The following RAB3C variants were observed in gnomAD, a reference collection of about 807,000 sequenced individuals.
RAB3C encodes the protein ras-related protein Rab-3C.
In RAB3C, 17 loss-of-function variants were observed where a neutral mutation model predicts 26.4. The ratio of observed to expected loss-of-function variants is 0.64; its 90% CI spans 0.44 to 0.97. RAB3C has a LOEUF of 0.97. Among genes scored for constraint, RAB3C ranks in the 50% least tolerant of loss-of-function variants. The pLI is 0.00. For synonymous variants in RAB3C, 91 were observed against 95.9 expected (o/e 0.95, Z 0.30); for missense variants, 242 against 281.9 (o/e 0.86, Z 1.01).
intron 4 of RAB3C, among the ~76,000 whole-genome samples, chr5:58,844,433 T>A (rs1042190446): frequency 1.3e-5 from 2 of 152,224 alleles, no homozygotes; most frequent in Admixed American, 1.3e-4. Context: ...TGGTCTGCAA[T>A]TTTGGCCCTT....
At chr5:58,702,040 G>A (rs1429358208) in intron 2 of RAB3C, among the ~76,000 whole-genome samples, 5 of 152,108 alleles carry the variant, frequency 3.3e-5, no homozygotes, top group African/African-American at 1.2e-4. Flanking sequence ...CCATTTTCCT[G>A]CATGGAGCAC....
chr5:58,748,463 A>C (rs1483614454), intron 3 of RAB3C, among the ~76,000 whole-genome samples: 2 of 152,156 alleles, frequency 1.3e-5, no homozygotes, highest in African/African-American at 4.8e-5. Flanking sequence ...TCTGAGAACC[A>C]TTGCTGTAAA....
chr5:58,749,546 C>A (rs568184886), intron 3 of RAB3C, among the ~76,000 whole-genome samples: 1 of 152,164 alleles, frequency 6.6e-6, no homozygotes, highest in South Asian at 2.1e-4. Flanking sequence ...GAAGATAAAG[C>A]CTTCACAGGG....
At chr5:58,615,127 T>G (rs1746797181) in intron 1 of RAB3C, among the ~76,000 whole-genome samples, 1 of 152,072 alleles carries the variant, frequency 6.6e-6, no homozygotes, top group Non-Finnish European at 1.5e-5. Context: ...GAAACCAACT[T>G]AATTTTGGAA....
intron 3 of RAB3C, among the ~76,000 whole-genome samples, chr5:58,746,184 A>G (rs10061204): frequency 0.031 from 4,797 of 152,302 alleles, 283 homozygotes; most frequent in African/African-American, 0.11. Context: ...ATGAATATAA[A>G]CAGAAGGGTC....
At chr5:58,659,533 G>A (rs158955) in intron 2 of RAB3C, among the ~76,000 whole-genome samples, 108,391 of 152,028 alleles carry the variant, frequency 0.71, 38,989 homozygotes, top group Middle Eastern at 0.79. Context: ...GCTTTTCTAA[G>A]TAGCAGATAC....
intron 4 of RAB3C, among the ~76,000 whole-genome samples, chr5:58,828,943 AC>A (rs1228980304): frequency 7.6e-6 from 1 of 131,286 alleles, no homozygotes; most frequent in Non-Finnish European, 1.5e-5. Flanking sequence ...TCGTTCTGTC[AC>A]CCAGGCTGGA....
chr5:58,730,727 A>C (rs1372491177), intron 3 of RAB3C, among the ~76,000 whole-genome samples: 1 of 152,164 alleles, frequency 6.6e-6, no homozygotes, highest in Non-Finnish European at 1.5e-5. Flanking sequence ...TATAGGAAGA[A>C]TTAAAGTTCC....
intron 4 of RAB3C, 21 bp from the exon 5 acceptor site, chr5:58,851,143 G>A: frequency 8.9e-6 from 14 of 1,577,904 alleles, no homozygotes; most frequent in Non-Finnish European, 1.2e-5. Context: ...ACCAAGATGT[G>A]TTTCTGTGTG....
chr5:58,713,881 C>T (rs1749115393), intron 2 of RAB3C, among the ~76,000 whole-genome samples: 1 of 152,144 alleles, frequency 6.6e-6, no homozygotes, highest in African/African-American at 2.4e-5. Flanking sequence ...CTAAAATAAA[C>T]ACATTTTTAA....
At chr5:58,825,725 G>A (rs1310676077) in intron 4 of RAB3C, among the ~76,000 whole-genome samples, 1 of 152,114 alleles carries the variant, frequency 6.6e-6, no homozygotes, top group Non-Finnish European at 1.5e-5. Flanking sequence ...TAATAGATAT[G>A]AGAAAGTTTC....
chr5:58,641,511 T>G (rs1420208750), intron 2 of RAB3C, among the ~76,000 whole-genome samples: 1 of 152,210 alleles, frequency 6.6e-6, no homozygotes, highest in East Asian at 1.9e-4. Flanking sequence ...GATGGGACAT[T>G]TCTTCTCCAT....
intron 2 of RAB3C, among the ~76,000 whole-genome samples, chr5:58,643,227 C>G (rs1747447888): frequency 1.3e-5 from 2 of 152,154 alleles, no homozygotes; most frequent in African/African-American, 4.8e-5. Context: ...AGAGTCATAA[C>G]AGCTAAAAGA....
intron 2 of RAB3C, among the ~76,000 whole-genome samples, chr5:58,689,797 C>G (rs894980067): frequency 1.2e-4 from 18 of 152,056 alleles, no homozygotes; most frequent in Non-Finnish European, 2.4e-4. Flanking sequence ...TCCTCAAAGC[C>G]CTGAGAGGAT....
upstream of RAB3C, among the ~76,000 whole-genome samples, chr5:58,582,715 T>C (rs976024163): frequency 6.6e-6 from 1 of 152,108 alleles, no homozygotes; most frequent in Non-Finnish European, 1.5e-5. Flanking sequence ...CATTGGAAAT[T>C]AGCACAAGGT....
rs1004006079 is a variant in RAB3C, at chr5:58,853,191, T to A, written c.*1840T>A. 1 of 152,146 alleles carries A rather than the reference T, an allele frequency of 6.6e-6. No homozygotes were observed. The highest frequency in any genetic ancestry group is 2.4e-5 in the African/African-American group (1 of 41,434). The allele number at this position is 152,146 out of a possible 1,614,324, so 9.4% of individuals were successfully genotyped here. On this transcript the variant is annotated 3_prime_UTR_variant, in exon 5 of 5. Transcript: ENST00000282878. The stretch of plus-strand genomic sequence containing the variant: ...TTTAATGGGGCAACCAACTTCAAAA[T>A]CACAGGAATTACAGTGACGGGAGAG...
At chr5:58,718,175 C>G (rs188413638) in intron 2 of RAB3C, among the ~76,000 whole-genome samples, 107 of 152,148 alleles carry the variant, frequency 7.0e-4, no homozygotes, top group African/African-American at 2.5e-3. Context: ...AAAAGTATGT[C>G]AAAAAGATTA....
chr5:58,641,377 C>T (rs1402099975), intron 2 of RAB3C, among the ~76,000 whole-genome samples: 1 of 152,176 alleles, frequency 6.6e-6, no homozygotes, highest in South Asian at 2.1e-4. Context: ...ATGGTAGCTC[C>T]GCCAGTGTGC....
chr5:58,697,269 T>C (rs1040612120), intron 2 of RAB3C, among the ~76,000 whole-genome samples: 3 of 152,218 alleles, frequency 2.0e-5, no homozygotes, highest in African/African-American at 7.2e-5. Flanking sequence ...TTAGTTTGAT[T>C]GCACTGTTGT....
Sources: allele counts gnomAD v4.1 joint callset (sites outside exome capture counted in the v4.1 genomes callset), GRCh38; gene constraint gnomAD v4.1.1; transcripts MANE v1.5; gene names NCBI Gene and HGNC (gene_info 2026-07-23, HGNC 2026-07-21).